The following HHLA2 variants were observed in gnomAD, a reference collection of about 807,000 sequenced individuals.
HHLA2 encodes HHLA2 member of B7 family.
Under a neutral mutation model 45.9 loss-of-function variants are expected in HHLA2, and 48 were observed. The observed-to-expected ratio is 1.05, with a 90% confidence interval of 0.83 to 1.33. The LOEUF (loss-of-function observed/expected upper bound fraction) is 1.33. HHLA2 is among the 40% of genes most tolerant of loss of function. The pLI is 0.00. For missense variants in HHLA2, 462 were observed against 494.3 expected, an observed-to-expected ratio of 0.93 and a Z score of 0.62; for synonymous variants, 161 against 173.9, an observed-to-expected ratio of 0.93 and a Z score of 0.59.
chr3:108,337,656 C>A (rs2081496541), intron 3 of HHLA2, among the ~76,000 whole-genome samples: 1 of 152,238 alleles, frequency 6.6e-6, no homozygotes, highest in East Asian at 1.9e-4. Flanking sequence ...AAAGCTCACC[C>A]TCCCCAGAAA....
chr3:108,305,774 G>A (rs1206530451), intron 1 of HHLA2, among the ~76,000 whole-genome samples: 2 of 152,160 alleles, frequency 1.3e-5, no homozygotes. Context: ...GAAATCTGAG[G>A]CACACAGACT....
At chr3:108,375,237 C>G (rs1457372900) in intron 8 of HHLA2, among the ~76,000 whole-genome samples, 1 of 151,122 alleles carries the variant, frequency 6.6e-6, no homozygotes, top group African/African-American at 2.4e-5. Context: ...GGACAAAAAA[C>G]CAAACACGGC....
intron 7 of HHLA2, 35 bp downstream of exon 6, chr3:108,358,196 G>T (rs1490924606): frequency 2.0e-6 from 3 of 1,482,718 alleles, no homozygotes; most frequent in East Asian, 4.6e-5. Context: ...ATGGGTTTTG[G>T]CTGTAGCATT....
In HHLA2 at chr3:108,355,282, A is replaced by G. The variant is rs532778766; in HGVS notation, c.586A>G (p.Asn196Asp). ...AGGGTCTTTGGATTCTTTTTCTATTAACAGCCCACTGAATATTACAGGATC... is the reference window on the plus strand; with the variant it reads ...AGGGTCTTTGGATTCTTTTTCTATTGACAGCCCACTGAATATTACAGGATC... The change falls in exon 6 of 11, where the codon AAC becomes GAC. Residue 196 changes from asparagine to aspartate, a missense_variant. By Grantham distance (23) the Asn-to-Asp change is conservative. This residue lies in a region of HHLA2 where 335 missense variants were observed against 367.4 expected (regional missense o/e 0.91). Transcript: ENST00000619531. The G allele has an allele frequency of 1.6e-5, 26 of 1,613,884 alleles. 1 individual carries two copies. In the South Asian group the frequency reaches 2.9e-4, roughly 18 times the overall value.
chr3:108,306,054 A>C (rs6768207), intron 1 of HHLA2, among the ~76,000 whole-genome samples: 19,796 of 152,144 alleles, frequency 0.13, 1,400 homozygotes, highest in East Asian at 0.23. Flanking sequence ...TAACAAGGGA[A>C]TCCTCTAATG....
At chr3:108,317,149 A>G (rs559049674) in intron 2 of HHLA2, among the ~76,000 whole-genome samples, 8 of 152,286 alleles carry the variant, frequency 5.3e-5, no homozygotes, top group African/African-American at 1.9e-4. Context: ...GAAGAAGGGG[A>G]ACCTTTTGTC....
intron 8 of HHLA2, among the ~76,000 whole-genome samples, 163 bp from the exon 8 acceptor site, chr3:108,375,587 T>C (rs1473950708): frequency 6.6e-6 from 1 of 151,302 alleles, no homozygotes; most frequent in Non-Finnish European, 1.5e-5. Flanking sequence ...AAAAAATAAC[T>C]AAGATCAGAG....
chr3:108,301,154 A>G (rs565336076), intron 1 of HHLA2, among the ~76,000 whole-genome samples: 22 of 152,194 alleles, frequency 1.4e-4, no homozygotes, highest in African/African-American at 4.6e-4. Flanking sequence ...AATGTTCCCT[A>G]TTGAATTTAG....
chr3:108,353,540 G>T (rs140364028), exon 5 of HHLA2: 2 of 1,613,308 alleles, frequency 1.2e-6, no homozygotes, highest in Non-Finnish European at 1.7e-6. Context: ...ATCCGAAGTC[G>T]TAATACACTG....
intron 1 of HHLA2, among the ~76,000 whole-genome samples, chr3:108,309,059 G>A (rs2080976384): frequency 6.6e-6 from 1 of 152,098 alleles, no homozygotes; most frequent in Non-Finnish European, 1.5e-5. Context: ...TGTGCTTGTG[G>A]GGTATTGCTC....
intron 2 of HHLA2, among the ~76,000 whole-genome samples, chr3:108,320,834 C>T (rs2081186705): frequency 6.6e-6 from 1 of 151,962 alleles, no homozygotes; most frequent in South Asian, 2.1e-4. Context: ...CATACATTTG[C>T]AAGGACTGTA....
At chr3:108,346,075 C>T (rs951536493) in intron 3 of HHLA2, among the ~76,000 whole-genome samples, 2 of 151,564 alleles carry the variant, frequency 1.3e-5, no homozygotes, top group African/African-American at 4.9e-5. Flanking sequence ...CCCCTTTTCC[C>T]TCACTCTTCC....
chr3:108,298,749 T>G (rs1479100137), intron 1 of HHLA2, among the ~76,000 whole-genome samples: 1 of 152,212 alleles, frequency 6.6e-6, no homozygotes. Flanking sequence ...CATTTTAAAA[T>G]TGAGTAACGA....
At chr3:108,328,539 A>C (rs1282129961) in intron 3 of HHLA2, among the ~76,000 whole-genome samples, 1 of 152,192 alleles carries the variant, frequency 6.6e-6, no homozygotes, top group African/African-American at 2.4e-5. Context: ...GGAGTTAGGT[A>C]ACTTGGACAA....
At chr3:108,325,460 T>G in intron 2 of HHLA2, 1 of 389,358 alleles carries the variant, frequency 2.6e-6, no homozygotes, top group Non-Finnish European at 5.1e-6. Context: ...CCCCTGTCAC[T>G]TCTCTGGCTC....
Position 108,357,565 on chromosome 3 carries a change from T to C in HHLA2, c.686-279T>C, listed in dbSNP as rs931531498. 2.0e-5 allele frequency among the ~76,000 whole-genome samples: 3 copies of C among 152,080 alleles called. No homozygotes were observed. In the East Asian group the frequency reaches 5.8e-4, roughly 29 times the overall value. ...GGTAGCAACATTCCTGAGTGCTTAC[T>C]GTCAGGTTCTAAGAGTTAAAACAAG... On this transcript the variant is annotated intron_variant, in intron 6 of 10. Coordinates refer to ENST00000619531, the Ensembl canonical transcript of HHLA2.
intron 2 of HHLA2, among the ~76,000 whole-genome samples, chr3:108,323,376 A>T (rs1201890480): frequency 2.0e-5 from 3 of 152,160 alleles, no homozygotes; most frequent in Non-Finnish European, 4.4e-5. Context: ...AAAACTTCTC[A>T]TGTACCCCAT....
At chr3:108,340,296 T>C (rs959676716) in intron 3 of HHLA2, among the ~76,000 whole-genome samples, 2 of 152,184 alleles carry the variant, frequency 1.3e-5, no homozygotes, top group African/African-American at 4.8e-5. Flanking sequence ...GCAAGGAGAC[T>C]CATTCTCTAG....
intron 3 of HHLA2, among the ~76,000 whole-genome samples, chr3:108,347,900 A>C (rs6788744): frequency 0.68 from 102,667 of 151,824 alleles, 35,582 homozygotes; most frequent in African/African-American, 0.77. Flanking sequence ...TGAGATGAAG[A>C]CTGGAGAAAG....
Sources: gnomAD v4.1 joint callset for allele counts (sites outside exome capture counted in the v4.1 genomes callset) on GRCh38, gnomAD v4.1.1 for gene constraint, gnomAD v4.1.1 regional missense constraint, MANE v1.5 for transcripts, NCBI Gene and HGNC (gene_info 2026-07-23, HGNC 2026-07-21) for gene names.